The following PLBD1 variants were observed in gnomAD, a reference collection of about 807,000 sequenced individuals.
PLBD1 encodes the protein lysosomal leucine aminopeptidase.
PLBD1 carries 60 observed loss-of-function variants against 63.0 expected under a neutral mutation model. The observed-to-expected ratio is 0.95, with a 90% confidence interval of 0.77 to 1.18. The LOEUF (loss-of-function observed/expected upper bound fraction) is 1.18, where lower values mean the gene tolerates loss of function less well. Among genes scored for constraint, PLBD1 ranks in the 50% most tolerant of loss-of-function variants. The pLI is 0.00. For missense variants in PLBD1, 598 were observed against 677.9 expected (o/e 0.88, Z 1.31); for synonymous variants, 262 against 248.0 (o/e 1.06, Z -0.53).
At chr12:14,540,938 T>C (rs374654649) in intron 3 of PLBD1, 36 bp from the exon 4 acceptor site, 103 of 1,544,044 alleles carry the variant, frequency 6.7e-5, no homozygotes, top group Non-Finnish European at 8.4e-5. Flanking sequence ...ACAGTCTCAA[T>C]AGTTGCTCAT....
intron 8 of PLBD1, among the ~76,000 whole-genome samples, chr12:14,510,725 T>C (rs1467594756): frequency 1.3e-5 from 2 of 152,148 alleles, no homozygotes; most frequent in Non-Finnish European, 2.9e-5. Context: ...CTGGACTCCT[T>C]CTTGCCCACC....
chr12:14,528,359 A>G (rs1194528639), intron 6 of PLBD1, among the ~76,000 whole-genome samples: 1 of 152,198 alleles, frequency 6.6e-6, no homozygotes. Flanking sequence ...TAAAGTTAAA[A>G]AAATTTGAAA....
intron 6 of PLBD1, among the ~76,000 whole-genome samples, chr12:14,523,354 A>C (rs1401871414): frequency 6.6e-6 from 1 of 152,188 alleles, no homozygotes; most frequent in Admixed American, 6.5e-5. Flanking sequence ...AAATGGAAAG[A>C]TATTCCATGT....
Position 14,535,816 on chromosome 12 carries a change from T to C in PLBD1, c.700-13A>G. On this transcript the variant is annotated splice_polypyrimidine_tract_variant and intron_variant, in intron 5 of 10. Coordinates refer to ENST00000240617, the MANE Select transcript of PLBD1 (RefSeq NM_024829.6). Reference sequence around the variant, plus strand: ...ATCCAGGAAGAACCTACAGCCAGAATCATAGTGGATTACACAGATGTACAT... The same window carrying C: ...ATCCAGGAAGAACCTACAGCCAGAACCATAGTGGATTACACAGATGTACAT... 6.2e-7 allele frequency: 1 copy of C among 1,612,812 alleles called. No individual in the cohort carries two copies. The highest frequency in any genetic ancestry group is 1.7e-5 in the Admixed American group (1 of 59,686).
rs767824640 is a variant in PLBD1, at chr12:14,506,165, T to A, written c.1476A>T (p.Thr492=). The A allele has an allele frequency of 5.0e-6, 8 of 1,600,578 alleles. No individual in the cohort carries two copies. The highest frequency in any genetic ancestry group is 6.8e-6 in the Non-Finnish European group (8 of 1,169,970). ...TCAAAAGCCAATAGCATGTTACCTT[T>A]GTGTCATAACAACCTCCAGGACTTG... ...PNPSPGGCYD[T]KVADIYLASQ... is the part of the protein sequence containing the mutation. Residue 492 remains threonine, a synonymous_variant, in exon 10 of 11, where the codon ACA becomes ACT. Transcript: ENST00000240617.
At chr12:14,556,116 A>C (rs1945701359) in intron 1 of PLBD1, among the ~76,000 whole-genome samples, 1 of 152,222 alleles carries the variant, frequency 6.6e-6, no homozygotes, top group Non-Finnish European at 1.5e-5. Flanking sequence ...CTCTGGTTGA[A>C]GAATCTATAC....
intron 1 of PLBD1, among the ~76,000 whole-genome samples, chr12:14,554,939 G>A (rs971062099): frequency 6.6e-6 from 1 of 151,976 alleles, no homozygotes; most frequent in Non-Finnish European, 1.5e-5. Flanking sequence ...CTCCATCGTG[G>A]TGTTTTCTCT....
chr12:14,548,835 G>A (rs1055181223), intron 2 of PLBD1, among the ~76,000 whole-genome samples: 1 of 152,162 alleles, frequency 6.6e-6, no homozygotes, highest in Non-Finnish European at 1.5e-5. Context: ...TTCAAACTGT[G>A]TAATACCAGA....
chr12:14,534,630 G>A (rs868611806), intron 6 of PLBD1, among the ~76,000 whole-genome samples: 5 of 148,880 alleles, frequency 3.4e-5, no homozygotes, highest in South Asian at 2.1e-4. Flanking sequence ...TGCAAGCTCC[G>A]CCTCCCGGGT....
chr12:14,540,974 G>T, intron 3 of PLBD1, 72 bp from the exon 4 acceptor site: 1 of 1,424,654 alleles, frequency 7.0e-7, no homozygotes. Flanking sequence ...AGCAGGCATT[G>T]AGAGATTATA....
intron 2 of PLBD1, 23 bp from the exon 3 acceptor site, chr12:14,542,314 T>C (rs1205722984): frequency 1.0e-5 from 16 of 1,531,168 alleles, no homozygotes; most frequent in Non-Finnish European, 1.4e-5. Flanking sequence ...ATGAAAATTA[T>C]TACATTTATA....
intron 8 of PLBD1, among the ~76,000 whole-genome samples, chr12:14,508,152 T>G (rs559057333): frequency 6.6e-6 from 1 of 152,322 alleles, no homozygotes; most frequent in South Asian, 2.1e-4. Flanking sequence ...AAAAACAGAT[T>G]TGTTGCTAAA....
intron 6 of PLBD1, among the ~76,000 whole-genome samples, chr12:14,518,146 A>G (rs1422957054): frequency 6.6e-6 from 1 of 152,164 alleles, no homozygotes; most frequent in Non-Finnish European, 1.5e-5. Context: ...ACACCACTGC[A>G]CTCCATCCTG....
chr12:14,553,782 C>T lies in PLBD1; in HGVS notation c.116-370G>A, dbSNP rs1047325144. On this transcript the variant is annotated intron_variant, in intron 1 of 10. Coordinates refer to ENST00000240617, the MANE Select transcript of PLBD1 (RefSeq NM_024829.6). ...CAGGATGGCTCAGCTAGTTGTATAC[C>T]CTTGACTGAAGACCGATCCTCCTCT... The T allele has an allele frequency of 5.0e-4, 140 of 277,740 alleles. 2 individuals are homozygous for T. Among genetic ancestry groups the T allele is most frequent in the Non-Finnish European group, 9.9e-5 (14 of 142,070 alleles). The allele number at this position is 277,740 out of a possible 1,614,324, so 17.2% of individuals were successfully genotyped here.
intron 1 of PLBD1, among the ~76,000 whole-genome samples, chr12:14,561,683 T>C (rs1945743036): frequency 6.6e-6 from 1 of 152,120 alleles, no homozygotes; most frequent in African/African-American, 2.4e-5. Flanking sequence ...GCCTCCTGAG[T>C]AGCTGGGATC....
At chr12:14,538,186 A>AT (rs1555146947) in intron 4 of PLBD1, among the ~76,000 whole-genome samples, 6 of 151,002 alleles carry the variant, frequency 4.0e-5, no homozygotes, top group East Asian at 1.9e-4. Flanking sequence ...TTTTTTAATT[A>AT]TTATTTATTT....
chr12:14,554,585 A>G (rs1025224452), intron 1 of PLBD1, among the ~76,000 whole-genome samples: 4 of 152,098 alleles, frequency 2.6e-5, no homozygotes, highest in African/African-American at 7.2e-5. Context: ...CCTTCTGGAA[A>G]GAGGAATGCA....
intron 1 of PLBD1, among the ~76,000 whole-genome samples, chr12:14,564,019 C>G (rs939493271): frequency 1.3e-5 from 2 of 152,178 alleles, no homozygotes; most frequent in African/African-American, 4.8e-5. Context: ...GTGGGAGGAT[C>G]ACTTGCGAGC....
chr12:14,523,872 C>G (rs929262053), intron 6 of PLBD1, among the ~76,000 whole-genome samples: 8 of 152,124 alleles, frequency 5.3e-5, no homozygotes, highest in African/African-American at 1.9e-4. Context: ...TATTGCAGCA[C>G]TATTCACAAT....
Sources: allele counts gnomAD v4.1 joint callset (sites outside exome capture counted in the v4.1 genomes callset), GRCh38; gene constraint gnomAD v4.1.1; transcripts MANE v1.5; gene names NCBI Gene and HGNC (gene_info 2026-07-23, HGNC 2026-07-21).